EIF4G2: variants seen among roughly 807,000 people sequenced by gnomAD.
EIF4G2 encodes DAP-5.
EIF4G2 carries 8 observed loss-of-function variants against 117.7 expected under a neutral mutation model. The ratio of observed to expected loss-of-function variants is 0.07; its 90% CI spans 0.04 to 0.12. EIF4G2 has a LOEUF of 0.12. Ranked by LOEUF, EIF4G2 falls within the 10% of genes least tolerant of loss-of-function variation. The pLI, the probability that EIF4G2 is intolerant of heterozygous loss-of-function variation, is 1.00. For missense variants in EIF4G2, 812 were observed against 1,086.2 expected (o/e 0.75, Z 3.55); for synonymous variants, 413 against 367.8 (o/e 1.12, Z -1.41).
chr11:10,800,592 C>G lies in EIF4G2; in HGVS notation c.1700G>C (p.Gly567Ala). 6.2e-7 allele frequency: 1 copy of G among 1,614,162 alleles called. No individual in the cohort carries two copies. The highest frequency in any genetic ancestry group is 8.5e-7 in the Non-Finnish European group (1 of 1,180,032). The change falls in exon 17 of 22, where the codon GGT (glycine) becomes GCT (alanine). Residue 567 changes from glycine to alanine, a missense_variant. By Grantham distance (60) the Gly-to-Ala change is moderately conservative. This residue lies in a region of EIF4G2 where 571 missense variants were observed against 642.3 expected (regional missense o/e 0.89). Coordinates refer to ENST00000339995, the MANE Select transcript of EIF4G2 (RefSeq NM_001418.4). ...TTTAGGAGCCCTCATTTCTCTTACA[C>G]CATTGACAGCCTCATTTGCATTTCC...
Position 10,799,733 on chromosome 11 carries a change from T to A in EIF4G2, c.2143A>T (p.Met715Leu), listed in dbSNP as rs754952860. 6.2e-7 allele frequency: 1 copy of A among 1,613,964 alleles called. No individual in the cohort carries two copies. Among genetic ancestry groups the A allele is most frequent in the Non-Finnish European group, 8.5e-7 (1 of 1,179,984 alleles). ...CCCTTTCCTTCCAAAATCTCCAACATGCGGTCCTTATTCTGATCAATTTCT... is the reference window on the plus strand; with the variant it reads ...CCCTTTCCTTCCAAAATCTCCAACAAGCGGTCCTTATTCTGATCAATTTCT... The change falls in exon 19 of 22, where the codon ATG becomes TTG. Residue 715 changes from methionine to leucine, a missense_variant. Met to Leu is a conservative substitution (Grantham distance 15). Around this residue, in one of 4 missense-constraint regions of EIF4G2, gnomAD observed 571 missense variants for 642.3 expected, o/e 0.89. Transcript: ENST00000339995.
In EIF4G2 at chr11:10,802,448, A is replaced by G; in HGVS notation, c.997-13T>C. The G allele has an allele frequency of 6.4e-7, 1 of 1,559,226 alleles. No individual in the cohort carries two copies. Among genetic ancestry groups the G allele is most frequent in the Non-Finnish European group, 8.6e-7 (1 of 1,157,252 alleles). On this transcript the variant is annotated splice_polypyrimidine_tract_variant and intron_variant, in intron 11 of 21. Transcript: ENST00000339995. Reference sequence around the variant, plus strand: ...ACACCCCTAGATCCTTTAGAAATGAAGTGAATATGCACTTTTTGTCTCTGG... The same window carrying G: ...ACACCCCTAGATCCTTTAGAAATGAGGTGAATATGCACTTTTTGTCTCTGG...
At chr11:10,806,523 G>A (rs1564985363) in intron 3 of EIF4G2, 9 of 388,664 alleles carry the variant, frequency 2.3e-5, no homozygotes, top group Non-Finnish European at 4.2e-5. Flanking sequence ...TGTTGAGTGC[G>A]TACTACTTTA....
chr11:10,802,762 G>A (rs1343971968), intron 11 of EIF4G2, among the ~76,000 whole-genome samples: 1 of 152,210 alleles, frequency 6.6e-6, no homozygotes, highest in Non-Finnish European at 1.5e-5. Flanking sequence ...AGCTACTGGG[G>A]AGGCTGAAGC....
chr11:10,805,127 CAA>C, intron 4 of EIF4G2, 112 bp from the exon 5 acceptor site: 1 of 820,712 alleles, frequency 1.2e-6, no homozygotes, highest in Non-Finnish European at 2.0e-6. Context: ...TTTAAAAAAT[CAA>C]GACATGTTTT....
chr11:10,807,773 C>A, intron 1 of EIF4G2: 4 of 991,152 alleles, frequency 4.0e-6, no homozygotes, highest in Non-Finnish European at 4.8e-6. Flanking sequence ...TAGATGAGGT[C>A]TCTCCGAAAG....
intron 21 of EIF4G2, 133 bp downstream of exon 21, chr11:10,798,859 T>C (rs1478707094): frequency 1.9e-6 from 2 of 1,026,048 alleles, no homozygotes; most frequent in South Asian, 1.7e-5. Context: ...TAGTGCAGAA[T>C]GAAATGTACA....
At chr11:10,806,740 T>C in intron 3 of EIF4G2, 80 bp downstream of exon 3, 1 of 1,484,112 alleles carries the variant, frequency 6.7e-7, no homozygotes, top group Non-Finnish European at 9.4e-7. Context: ...TGATGGCTAT[T>C]GCCTTAATTA....
rs796461654 is a variant in EIF4G2, at chr11:10,805,841, G to GCA, written c.248+64_248+65dup. On this transcript the variant is annotated intron_variant, in intron 4 of 21. Transcript: ENST00000339995. Reference sequence around the variant, plus strand: ...TGAACCTTGCCTTCTTAGTAATACAGCACACACACCAAACACAGCTAATCC... The same window carrying GCA: ...TGAACCTTGCCTTCTTAGTAATACAGCACACACACACCAAACACAGCTAATCC... 53 of 1,606,576 alleles carry GCA rather than the reference G, an allele frequency of 3.3e-5. No individual in the cohort carries two copies. The African/African-American group carries it at 6.8e-4, about 21-fold the overall frequency.
In EIF4G2 at chr11:10,807,273, C is replaced by G. The variant is rs1847604729; in HGVS notation, c.23G>C (p.Gly8Ala). 5 of 1,612,638 alleles carry G rather than the reference C, an allele frequency of 3.1e-6. No individual in the cohort carries two copies. Among genetic ancestry groups the G allele is most frequent in the Non-Finnish European group, 4.2e-6 (5 of 1,179,634 alleles). The change falls in exon 2 of 22, where the codon GGG (glycine) becomes GCG (alanine). Residue 8 changes from glycine to alanine, a missense_variant. By Grantham distance (60) the Gly-to-Ala change is moderately conservative. Transcript: ENST00000339995. ...CAAGTACCTGAAACGAGAAGCACCC[C>G]CTTCTGCAATCGCACTCTCCACTTT...
At position 10,808,819 on chromosome 11, in the gene EIF4G2, G is replaced by A. The variant is rs1336425735; in HGVS notation, c.-201C>T. On this transcript the variant is annotated 5_prime_UTR_variant, in exon 1 of 22. Transcript: ENST00000339995. ...AAACAAAAAAAAGGGGGAGGGAAGG[G>A]GGAGGAAGGAGTCGGGGACGGCCTC... The A allele has an allele frequency of 5.8e-6, 1 of 173,516 alleles. No homozygotes were observed. The highest frequency in any genetic ancestry group is 1.3e-5 in the Non-Finnish European group (1 of 79,436). The allele number at this position is 173,516 out of a possible 1,614,324, so 10.7% of individuals were successfully genotyped here.
chr11:10,808,017 G>T, intron 1 of EIF4G2: 1 of 1,029,542 alleles, frequency 9.7e-7, no homozygotes, highest in Non-Finnish European at 1.2e-6. Flanking sequence ...ACCTCCCCGC[G>T]AGGCCCGGGT....
chr11:10,807,962 A>T lies in EIF4G2; in HGVS notation c.-86-581T>A, dbSNP rs1163368576. On this transcript the variant is annotated intron_variant, in intron 1 of 21. Coordinates refer to ENST00000339995, the MANE Select transcript of EIF4G2 (RefSeq NM_001418.4). Reference sequence around the variant, plus strand: ...TCCCTTCCTGGGAACAAAAGAGCGGAGCATTCCTCCCACCCAGGCGCAAGT... The same window carrying T: ...TCCCTTCCTGGGAACAAAAGAGCGGTGCATTCCTCCCACCCAGGCGCAAGT... The T allele has an allele frequency of 9.7e-6, 10 of 1,026,764 alleles. No individual in the cohort carries two copies. The South Asian group carries it at 3.2e-4, about 33-fold the overall frequency. The allele number at this position is 1,026,764 out of a possible 1,614,324, so 63.6% of individuals were successfully genotyped here. A position where few individuals can be genotyped will look rare whatever the true frequency, so the allele number is the denominator to read the frequency against.
chr11:10,806,282 C>CT (rs1436599067), intron 3 of EIF4G2: 5 of 564,294 alleles, frequency 8.9e-6, no homozygotes, highest in Non-Finnish European at 1.2e-5. Context: ...GGGGTGGGGC[C>CT]TAAGAATTTG....
intron 3 of EIF4G2, chr11:10,806,531 TTAC>T (rs1372663491): frequency 2.5e-6 from 1 of 403,764 alleles, no homozygotes; most frequent in East Asian, 4.4e-5. Flanking sequence ...GCGTACTACT[TTAC>T]TAATAACAAT....
At chr11:10,808,424 T>A (rs1487897592) in intron 1 of EIF4G2, 1 of 1,261,232 alleles carries the variant, frequency 7.9e-7, no homozygotes, top group South Asian at 1.3e-5. Flanking sequence ...CAGCCGTGCC[T>A]CGGTCCGCCA....
rs35078262 is a variant in EIF4G2 at position 10,800,334 on chromosome 11, T to C, written c.1875A>G (p.Val625=). Residue 625 remains valine (V), a synonymous_variant, in exon 18 of 22, where the codon GTA becomes GTG. Coordinates refer to ENST00000339995, the MANE Select transcript of EIF4G2 (RefSeq NM_001418.4). ...CCTCCAGTTTGGGACACTGGTCCAA[T>C]ACATTCAGGAAAGCCTTGAAAGAAA... The C allele has an allele frequency of 1.0e-3, 1,674 of 1,613,904 alleles. 9 individuals carry two copies. The African/African-American group carries it at 0.021, about 20-fold the overall frequency.
chr11:10,801,190 CATT>C (rs1476260863), intron 14 of EIF4G2, 103 bp from the exon 15 acceptor site: 2 of 1,491,812 alleles, frequency 1.3e-6, no homozygotes, highest in African/African-American at 1.4e-5. Flanking sequence ...TCTAGGGAAA[CATT>C]AAGCTTTTTG....
intron 5 of EIF4G2, chr11:10,804,684 G>A (rs1847509831): frequency 3.0e-5 from 18 of 593,658 alleles, no homozygotes; most frequent in East Asian, 8.3e-5. Flanking sequence ...AGCTTGCTAA[G>A]CACTCCCATT....
Sources: gnomAD v4.1 joint callset for allele counts (sites outside exome capture counted in the v4.1 genomes callset) on GRCh38, gnomAD v4.1.1 for gene constraint, gnomAD v4.1.1 regional missense constraint, MANE v1.5 for transcripts, NCBI Gene and HGNC (gene_info 2026-07-23, HGNC 2026-07-21) for gene names.